Variants in RCBTB2 observed in about 807,000 individuals in gnomAD.
RCBTB2 encodes the protein RCC1 and BTB domain containing protein 2.
A neutral mutation model predicts 65.4 loss-of-function variants in RCBTB2; 55 were observed. The ratio of observed to expected loss-of-function variants is 0.84; its 90% CI spans 0.68 to 1.05. The LOEUF is 1.05. RCBTB2 is among the 50% of genes least tolerant of loss of function. RCBTB2 has a pLI of 0.00. For missense variants in RCBTB2, 599 were observed against 680.1 expected (o/e 0.88, Z 1.33); for synonymous variants, 220 against 255.2 (o/e 0.86, Z 1.31).
chr13:48,523,683 T>G (rs1593788386), intron 2 of RCBTB2, among the ~76,000 whole-genome samples: 1 of 152,130 alleles, frequency 6.6e-6, no homozygotes, highest in South Asian at 2.1e-4. Context: ...AGGGACCAAG[T>G]AGAGATGTGA....
chr13:48,524,905 C>G (rs1167061324), intron 1 of RCBTB2, 148 bp from the exon 2 acceptor site: 1 of 152,066 alleles, frequency 6.6e-6, no homozygotes, highest in Non-Finnish European at 1.5e-5. Flanking sequence ...AAAAAGTCAG[C>G]AGCAGAGATG....
chr13:48,516,368 A>G (rs1328794193), intron 4 of RCBTB2, among the ~76,000 whole-genome samples: 1 of 152,194 alleles, frequency 6.6e-6, no homozygotes. Context: ...GAGGTGGCTT[A>G]ACCAACAGAA....
chr13:48,535,255 CTTT>C (rs563743014), upstream of RCBTB2, among the ~76,000 whole-genome samples: 4 of 136,294 alleles, frequency 2.9e-5, no homozygotes, highest in Non-Finnish European at 3.2e-5. Context: ...TATTCATCCT[CTTT>C]TTTTTTTTTT....
intron 1 of RCBTB2, 180 bp downstream of exon 1, chr13:48,532,848 C>T (rs1391884106): frequency 2.0e-5 from 7 of 349,148 alleles, no homozygotes; most frequent in Admixed American, 1.4e-4. Flanking sequence ...GCATGCGCGA[C>T]GACGCCTAGG....
intron 14 of RCBTB2, among the ~76,000 whole-genome samples, chr13:48,494,864 C>CT (rs533842677): frequency 3.3e-5 from 5 of 150,034 alleles, no homozygotes; most frequent in African/African-American, 7.4e-5. Flanking sequence ...TGAGGTAGTA[C>CT]TTTTTTTTTA....
At chr13:48,499,570 T>C (rs1175709325) in intron 13 of RCBTB2, 51 bp downstream of exon 13, 5 of 1,591,576 alleles carry the variant, frequency 3.1e-6, no homozygotes, top group East Asian at 4.5e-5. Context: ...AGAAACCACC[T>C]TGTCAGTTCC....
chr13:48,511,629 A>G, intron 9 of RCBTB2, 141 bp downstream of exon 9: 2 of 690,726 alleles, frequency 2.9e-6, no homozygotes, highest in East Asian at 5.9e-5. Flanking sequence ...TCAAGGAAAA[A>G]GAGACTTAAC....
chr13:48,509,036 A>G (rs928918615), intron 10 of RCBTB2, among the ~76,000 whole-genome samples: 1 of 152,112 alleles, frequency 6.6e-6, no homozygotes. Context: ...GCACCATAAA[A>G]AGTAATGGGC....
intron 14 of RCBTB2, among the ~76,000 whole-genome samples, chr13:48,490,460 G>GTA (rs987929515): frequency 2.1e-4 from 32 of 152,284 alleles, no homozygotes; most frequent in Admixed American, 6.5e-4. Context: ...GTAGCACAGA[G>GTA]TAACATTCAA....
intron 1 of RCBTB2, among the ~76,000 whole-genome samples, chr13:48,526,959 T>G (rs1215810788): frequency 6.6e-6 from 1 of 152,058 alleles, no homozygotes; most frequent in African/African-American, 2.4e-5. Flanking sequence ...ATAGGAGGAT[T>G]AAATAACATA....
At position 48,515,339 on chromosome 13, in the gene RCBTB2, G is replaced by C. The variant is rs777794080; in HGVS notation, c.215C>G (p.Thr72Arg). The change falls in exon 6 of 15, where the codon ACA becomes AGA. Residue 72 changes from threonine (T) to arginine (R), a missense_variant. Physicochemically the swap from Thr to Arg is moderately conservative, Grantham distance 71. Coordinates refer to ENST00000344532, the MANE Select transcript of RCBTB2 (RefSeq NM_001268.4). Reference protein sequence around the residue: ...TVNDEIFVLGTNCCGCLGLGD... With the variant: ...TVNDEIFVLGRNCCGCLGLGD... ...TAACCCCAAACAGCCACAGCAGTTT[G>C]TGCCAAGCACAAAAATCTATGGGAA... is the stretch of plus-strand genomic sequence containing the variant. 6.2e-7 allele frequency: 1 copy of C among 1,613,354 alleles called. No individual in the cohort carries two copies. Among genetic ancestry groups the C allele is most frequent in the Non-Finnish European group, 8.5e-7 (1 of 1,179,806 alleles).
chr13:48,521,360 A>G (rs951647835), intron 4 of RCBTB2, among the ~76,000 whole-genome samples: 1 of 152,230 alleles, frequency 6.6e-6, no homozygotes, highest in Non-Finnish European at 1.5e-5. Context: ...CAATAAGCAG[A>G]TATTATGTAA....
chr13:48,497,685 C>T (rs1322842708), intron 13 of RCBTB2, among the ~76,000 whole-genome samples: 1 of 152,198 alleles, frequency 6.6e-6, no homozygotes, highest in East Asian at 1.9e-4. Flanking sequence ...GGGATTTCAT[C>T]AATTTTACCA....
At chr13:48,522,016 G>A in intron 3 of RCBTB2, 54 bp from the exon 4 acceptor site, 1 of 1,482,594 alleles carries the variant, frequency 6.7e-7, no homozygotes, top group Non-Finnish European at 9.3e-7. Context: ...ATGGAACCAG[G>A]CAGGTTAAAA....
intron 13 of RCBTB2, among the ~76,000 whole-genome samples, chr13:48,497,325 T>A (rs1326292584): frequency 1.3e-5 from 2 of 152,170 alleles, no homozygotes; most frequent in African/African-American, 4.8e-5. Context: ...ATCATCTATA[T>A]ATGCAGGTGA....
rs58455074 is a variant in RCBTB2, at chr13:48,518,458, CAAAAA to C, written c.43-2722_43-2718del. ...TTTACTTTAATTACAGAGTACTTTGCAAAAAAAAAAAAAAATATATATATATATAT... is the reference window on the plus strand; with the variant it reads ...TTTACTTTAATTACAGAGTACTTTGCAAAAAAAAAATATATATATATATAT... On this transcript the variant is annotated intron_variant, in intron 4 of 14. Coordinates refer to ENST00000344532, the MANE Select transcript of RCBTB2 (RefSeq NM_001268.4). 3.7e-3 allele frequency among the ~76,000 whole-genome samples: 364 copies of C among 98,412 alleles called. 1 individual carries two copies. The highest frequency in any genetic ancestry group is 0.013 in the African/African-American group (345 of 26,410). 64.6% of individuals were successfully genotyped at this position (98,412 alleles called of 152,430 possible).
intron 4 of RCBTB2, 90 bp downstream of exon 4, chr13:48,521,808 G>T: frequency 1.7e-6 from 2 of 1,183,478 alleles, no homozygotes; most frequent in South Asian, 1.3e-5. Context: ...GTATCTCATT[G>T]ATTTTCCTAT....
chr13:48,533,322 C>T (rs1455333894), upstream of RCBTB2: 1 of 301,908 alleles, frequency 3.3e-6, no homozygotes, highest in Middle Eastern at 1.2e-3. Context: ...ATTGGGGCCG[C>T]CTCCGCTTTT....
chr13:48,522,454 A>C, intron 2 of RCBTB2, 51 bp from the exon 3 acceptor site: 1 of 835,764 alleles, frequency 1.2e-6, no homozygotes, highest in Non-Finnish European at 1.9e-6. Context: ...AAATGAATGA[A>C]TGAATGTGGC....
Sources: allele counts gnomAD v4.1 joint callset (sites outside exome capture counted in the v4.1 genomes callset), GRCh38; gene constraint gnomAD v4.1.1; transcripts MANE v1.5; gene names NCBI Gene and HGNC (gene_info 2026-07-23, HGNC 2026-07-21).